SLC5A10: variants seen among roughly 807,000 people sequenced by gnomAD.
SLC5A10 encodes the protein solute carrier family 5 member 10.
In SLC5A10, 55 loss-of-function variants were observed where a neutral mutation model predicts 68.9. That is an observed-to-expected ratio of 0.80 (90% CI 0.64 to 1.00). The LOEUF is 1.00. SLC5A10 is among the 50% of genes least tolerant of loss of function. The pLI is 0.00. For synonymous variants in SLC5A10, 344 were observed against 344.8 expected (o/e 1.00, Z 0.02); for missense variants, 732 against 819.3 (o/e 0.89, Z 1.30).
intron 9 of SLC5A10, among the ~76,000 whole-genome samples, chr17:18,993,850 A>C (rs1464744694): frequency 3.3e-5 from 5 of 152,162 alleles, no homozygotes; most frequent in Non-Finnish European, 7.4e-5. Context: ...TCATTTCCTC[A>C]TGGGGATAAT....
At chr17:18,969,002 G>C (rs753788145) in intron 5 of SLC5A10, 50 bp from the exon 6 acceptor site, 2 of 1,548,406 alleles carry the variant, frequency 1.3e-6, no homozygotes, top group South Asian at 2.5e-5. Context: ...GGAGTGGCTT[G>C]CTGGAGCCCT....
chr17:18,969,235 A>C, intron 6 of SLC5A10, 78 bp downstream of exon 6: 1 of 1,579,278 alleles, frequency 6.3e-7, no homozygotes, highest in Middle Eastern at 1.7e-4. Flanking sequence ...TACAGGCCCG[A>C]GGGAGCAGCC....
chr17:18,981,836 A>T (rs905985192), intron 9 of SLC5A10, among the ~76,000 whole-genome samples: 2 of 152,098 alleles, frequency 1.3e-5, no homozygotes, highest in African/African-American at 4.8e-5. Context: ...ACGGCCCAGG[A>T]CAATTAGCGC....
In SLC5A10 at chr17:18,960,601, C is replaced by T; in HGVS notation, c.402C>T (p.Arg134=). 5.0e-6 allele frequency: 8 copies of T among 1,614,176 alleles called. No individual in the cohort carries two copies. The highest frequency in any genetic ancestry group is 5.9e-6 in the Non-Finnish European group (7 of 1,180,014). The change falls in exon 5 of 15, where the codon CGC becomes CGT. Residue 134 remains arginine (R), a synonymous_variant. Coordinates refer to ENST00000395645, the MANE Select transcript of SLC5A10 (RefSeq NM_001042450.4). ...IQKRYGGQRI[R]MYLSVLSLLL... is the part of the protein sequence containing the mutation. ...AGCGCTACGGGGGCCAGCGGATCCGCATGTACCTGTCTGTCCTGTCCCTGC... is the reference window on the plus strand; with the variant it reads ...AGCGCTACGGGGGCCAGCGGATCCGTATGTACCTGTCTGTCCTGTCCCTGC...
chr17:19,020,133 T>A, intron 13 of SLC5A10, 22 bp from the exon 14 acceptor site: 1 of 543,286 alleles, frequency 1.8e-6, no homozygotes, highest in Non-Finnish European at 3.0e-6. Flanking sequence ...CCCCCAACCC[T>A]ATCCTCACTC....
chr17:19,020,069 T>C (rs2044232379), intron 13 of SLC5A10, 86 bp from the exon 14 acceptor site: 1 of 1,466,196 alleles, frequency 6.8e-7, no homozygotes, highest in African/African-American at 1.4e-5. Context: ...GCTGCCATCT[T>C]GCCATCCCCA....
In SLC5A10 at chr17:19,021,952, G is replaced by T; in HGVS notation, c.*1521G>T. 6.6e-7 allele frequency: 1 copy of T among 1,515,452 alleles called. No homozygotes were observed. The highest frequency in any genetic ancestry group is 8.8e-7 in the Non-Finnish European group (1 of 1,132,712). 93.9% of individuals were successfully genotyped at this position (1,515,452 alleles called of 1,614,324 possible). On this transcript the variant is annotated 3_prime_UTR_variant, in exon 15 of 15. Transcript: ENST00000395645. The surrounding 1 kb of genome is among the most constrained non-coding windows in gnomAD (Gnocchi z 4.1). ...AGGCCCGTTGGCCAGATCGGCCGCC[G>T]GGCTGCTCACAGGTGCACGGGCTGC...
At chr17:18,956,085 T>C (rs1597810443) in intron 1 of SLC5A10, among the ~76,000 whole-genome samples, 1 of 151,848 alleles carries the variant, frequency 6.6e-6, no homozygotes, top group African/African-American at 2.4e-5. Flanking sequence ...TCCCAGCTAC[T>C]AGGGAGGCTG....
chr17:18,998,053 G>A (rs2043612986), intron 9 of SLC5A10, among the ~76,000 whole-genome samples: 1 of 152,206 alleles, frequency 6.6e-6, no homozygotes, highest in Admixed American at 6.5e-5. Flanking sequence ...CCAGTGATAC[G>A]GAAGCCTGTC....
rs2044278343 is a variant in SLC5A10 at position 19,022,360 on chromosome 17, A to G, written c.*1929A>G. The G allele has an allele frequency of 2.4e-6, 1 of 409,960 alleles. No homozygotes were observed. The highest frequency in any genetic ancestry group is 4.3e-6 in the Non-Finnish European group (1 of 230,062). 25.4% of individuals were successfully genotyped at this position (409,960 alleles called of 1,614,324 possible). A position where few individuals can be genotyped will look rare whatever the true frequency, so the allele number is the denominator to read the frequency against. Reference sequence around the variant, plus strand: ...TGCTGTGCAGATGCTGCATCTACATAGAACACGGCTTTCCCAGCCGCCCAG... The same window carrying G: ...TGCTGTGCAGATGCTGCATCTACATGGAACACGGCTTTCCCAGCCGCCCAG... On this transcript the variant is annotated 3_prime_UTR_variant, in exon 15 of 15. Coordinates refer to ENST00000395645, the MANE Select transcript of SLC5A10 (RefSeq NM_001042450.4).
At chr17:18,994,600 T>C (rs574595700) in intron 9 of SLC5A10, among the ~76,000 whole-genome samples, 24 of 152,224 alleles carry the variant, frequency 1.6e-4, no homozygotes, top group African/African-American at 5.1e-4. Flanking sequence ...GCTGGAACAA[T>C]TGCTGGTGCT....
At position 19,017,268 on chromosome 17, in the gene SLC5A10, C is replaced by T. The variant is rs2044158873; in HGVS notation, c.1241+2069C>T. 4 of 1,551,184 alleles carry T rather than the reference C, an allele frequency of 2.6e-6. No homozygotes were observed. Among genetic ancestry groups the T allele is most frequent in the Non-Finnish European group, 2.6e-6 (3 of 1,146,396 alleles). On this transcript the variant is annotated intron_variant, in intron 11 of 14. Coordinates refer to ENST00000395645, the MANE Select transcript of SLC5A10 (RefSeq NM_001042450.4). This position sits in a 1 kb window ranked among gnomAD's most constrained non-coding sequence, Gnocchi z 5.6. ...GGTGTCAGGCTGGCCAGCTCAACTT[C>T]CCGTCCCTCTTACAGCACTGGGATA...
intron 5 of SLC5A10, among the ~76,000 whole-genome samples, chr17:18,962,448 G>T (rs111277879): frequency 1.3e-5 from 2 of 152,234 alleles, no homozygotes; most frequent in African/African-American, 4.8e-5. Flanking sequence ...GAGAGAAGCT[G>T]GGAGTGAGTA....
In SLC5A10 at chr17:19,015,215, C is replaced by CCGGTACGGGGGTGGGGGG; in HGVS notation, c.1241+17_1241+18insGGTACGGGGGTGGGGGGC. 2.3e-6 allele frequency: 3 copies of CCGGTACGGGGGTGGGGGG among 1,299,142 alleles called. No individual in the cohort carries two copies. The highest frequency in any genetic ancestry group is 2.1e-5 in the Admixed American group (1 of 47,274). The allele number at this position is 1,299,142 out of a possible 1,614,324, so 80.5% of individuals were successfully genotyped here. Reference sequence around the variant, plus strand: ...TGGTGGGACGGTACGGGGGTGGGGGCCAGTACGGGGGTGGGGGAACACTAC... The same window carrying CCGGTACGGGGGTGGGGGG: ...TGGTGGGACGGTACGGGGGTGGGGGCCGGTACGGGGGTGGGGGGCAGTACGGGGGTGGGGGAACACTAC... On this transcript the variant is annotated intron_variant, in intron 11 of 14. Coordinates refer to ENST00000395645, the MANE Select transcript of SLC5A10 (RefSeq NM_001042450.4).
At chr17:18,955,976 C>T (rs2042490568) in intron 1 of SLC5A10, among the ~76,000 whole-genome samples, 1 of 152,132 alleles carries the variant, frequency 6.6e-6, no homozygotes, top group Non-Finnish European at 1.5e-5. Flanking sequence ...GGGCAGATCA[C>T]CTGAGGTCGG....
At position 18,971,536 on chromosome 17, in the gene SLC5A10, T is replaced by C; in HGVS notation, c.846+318T>C. On this transcript the variant is annotated intron_variant, in intron 8 of 14. Transcript: ENST00000395645. This position sits in a 1 kb window ranked among gnomAD's most constrained non-coding sequence, Gnocchi z 5.5. ...TGCCATCGGTCATGGGGCGGGCATT[T>C]TGGGCCAGTCTTGGGCTGCCGGGAT... is the stretch of plus-strand genomic sequence containing the variant. The C allele has an allele frequency of 6.2e-7, 1 of 1,613,946 alleles. No homozygotes were observed. Among genetic ancestry groups the C allele is most frequent in the Non-Finnish European group, 8.5e-7 (1 of 1,180,022 alleles).
At position 18,977,423 on chromosome 17, in the gene SLC5A10, G is replaced by A. The variant is rs142799956; in HGVS notation, c.982+434G>A. On this transcript the variant is annotated intron_variant, in intron 9 of 14. Transcript: ENST00000395645. Reference sequence around the variant, plus strand: ...GATGGCCTTCCATATGGCCCTGGCCGGTTCCCACCCCTGCCTGTTCATCAA... The same window carrying A: ...GATGGCCTTCCATATGGCCCTGGCCAGTTCCCACCCCTGCCTGTTCATCAA... 5.3e-4 allele frequency: 389 copies of A among 727,856 alleles called. 1 individual carries two copies. In the African/African-American group the frequency reaches 6.2e-3, roughly 12 times the overall value. 45.1% of individuals were successfully genotyped at this position (727,856 alleles called of 1,614,324 possible).
At chr17:18,978,637 C>T (rs2043050146) in intron 9 of SLC5A10, 1 of 1,613,130 alleles carries the variant, frequency 6.2e-7, no homozygotes, top group Non-Finnish European at 8.5e-7. Context: ...GGTTGACGAG[C>T]TTCTTGGCCA....
Position 19,018,149 on chromosome 17 carries a change from G to T in SLC5A10, c.1242-1274G>T, listed in dbSNP as rs1272276806. ...CCCTCAGGCCTAGAAGGGAAGAAAG[G>T]GAGGGAGGAAGGCGGACAGGCGCTG... On this transcript the variant is annotated intron_variant, in intron 11 of 14. Transcript: ENST00000395645. The surrounding 1 kb of genome is among the most constrained non-coding windows in gnomAD (Gnocchi z 4.2). 1 of 152,252 alleles carries T rather than the reference G, an allele frequency of 6.6e-6. No homozygotes were observed. The highest frequency in any genetic ancestry group is 1.5e-5 in the Non-Finnish European group (1 of 68,080). 9.4% of individuals were successfully genotyped at this position (152,252 alleles called of 1,614,324 possible).
Sources: gnomAD v4.1 joint callset for allele counts (sites outside exome capture counted in the v4.1 genomes callset) on GRCh38, gnomAD v4.1.1 for gene constraint, Gnocchi (gnomAD v3.1) non-coding constraint, MANE v1.5 for transcripts, NCBI Gene and HGNC (gene_info 2026-07-23, HGNC 2026-07-21) for gene names.